FAM53B: variants seen among roughly 807,000 people sequenced by gnomAD.
The protein encoded by FAM53B is protein FAM53B.
Under a neutral mutation model 32.7 loss-of-function variants are expected in FAM53B, and 12 were observed. The observed-to-expected ratio is 0.37, with a 90% CI of 0.24 to 0.59. The LOEUF (loss-of-function observed/expected upper bound fraction) is 0.59. FAM53B is among the 20% of genes least tolerant of loss of function. The pLI is 0.72. For synonymous variants in FAM53B, 234 were observed against 228.7 expected, an observed-to-expected ratio of 1.02 and a Z score of -0.21; for missense variants, 477 against 577.7, an observed-to-expected ratio of 0.83 and a Z score of 1.79.
intron 1 of FAM53B, among the ~76,000 whole-genome samples, chr10:124,719,730 C>T (rs1384108455): frequency 6.6e-6 from 1 of 152,076 alleles, no homozygotes; most frequent in Non-Finnish European, 1.5e-5. Flanking sequence ...AACTCTAAAG[C>T]CAGGCCTCTG....
chr10:124,684,689 T>C (rs1949792111), intron 3 of FAM53B, among the ~76,000 whole-genome samples: 1 of 152,116 alleles, frequency 6.6e-6, no homozygotes, highest in African/African-American at 2.4e-5. Context: ...CAGCTAATTT[T>C]TGTATTTTTT....
At chr10:124,738,183 T>C (rs772193297) in intron 1 of FAM53B, among the ~76,000 whole-genome samples, 3 of 151,960 alleles carry the variant, frequency 2.0e-5, no homozygotes, top group African/African-American at 4.8e-5. Context: ...TGCTAAGGAA[T>C]AGGGAAACTA....
At chr10:124,678,896 T>G (rs1441608619) in intron 4 of FAM53B, among the ~76,000 whole-genome samples, 1 of 152,198 alleles carries the variant, frequency 6.6e-6, no homozygotes, top group African/African-American at 2.4e-5. Flanking sequence ...ACACACACCC[T>G]CAAGATCTGC....
At chr10:124,658,813 C>T (rs1949611809) in intron 4 of FAM53B, among the ~76,000 whole-genome samples, 2 of 152,198 alleles carry the variant, frequency 1.3e-5, no homozygotes, top group Admixed American at 6.5e-5. Flanking sequence ...CCATGCTCCC[C>T]GTGTCCGCCT....
chr10:124,665,916 T>A (rs201202504), intron 4 of FAM53B, among the ~76,000 whole-genome samples: 1 of 114,294 alleles, frequency 8.7e-6, no homozygotes, highest in Non-Finnish European at 1.9e-5. Context: ...CGGCTTATAG[T>A]CGGCTACGTA....
At chr10:124,661,794 A>G (rs1949632756) in intron 4 of FAM53B, among the ~76,000 whole-genome samples, 1 of 152,232 alleles carries the variant, frequency 6.6e-6, no homozygotes, top group Admixed American at 6.5e-5. Flanking sequence ...GATTTCAGTA[A>G]TGATCCAATC....
intron 1 of FAM53B, among the ~76,000 whole-genome samples, chr10:124,739,510 A>G (rs1223400427): frequency 6.6e-6 from 1 of 152,268 alleles, no homozygotes; most frequent in Non-Finnish European, 1.5e-5. Context: ...AAGAGAACAA[A>G]AAGAGTGAGT....
At chr10:124,650,178 C>T (rs1949547332) in intron 4 of FAM53B, among the ~76,000 whole-genome samples, 1 of 152,192 alleles carries the variant, frequency 6.6e-6, no homozygotes, top group African/African-American at 2.4e-5. Flanking sequence ...TTTTACAATA[C>T]TGTAGGCTGT....
At chr10:124,646,649 C>CT (rs1949517554) in intron 4 of FAM53B, among the ~76,000 whole-genome samples, 1 of 152,214 alleles carries the variant, frequency 6.6e-6, no homozygotes, top group South Asian at 2.1e-4. Context: ...CTGTGACGCT[C>CT]TTTTGCCCAG....
At position 124,682,490 on chromosome 10, in the gene FAM53B, G is replaced by A; in HGVS notation, c.134-111C>T. 1.0e-6 allele frequency: 1 copy of A among 967,782 alleles called. No homozygotes were observed. The highest frequency in any genetic ancestry group is 1.5e-6 in the Non-Finnish European group (1 of 668,456). The allele number at this position is 967,782 out of a possible 1,614,324, so 59.9% of individuals were successfully genotyped here. A position where few individuals can be genotyped will look rare whatever the true frequency, so the allele number is the denominator to read the frequency against. On this transcript the variant is annotated intron_variant, in intron 3 of 4. Coordinates refer to ENST00000337318, the MANE Select transcript of FAM53B (RefSeq NM_014661.4). The surrounding 1 kb of genome is among the most constrained non-coding windows in gnomAD (Gnocchi z 5.2). Reference sequence around the variant, plus strand: ...CAAACACAGTATCTTAGAGCCAAAAGGCCCTTAGAAACCATCCAGTCCAAC... The same window carrying A: ...CAAACACAGTATCTTAGAGCCAAAAAGCCCTTAGAAACCATCCAGTCCAAC...
rs1409969529 is a variant in FAM53B, at chr10:124,651,542, C to A, written c.907-27938G>T. Reference sequence around the variant, plus strand: ...GCCGCTGGACGGAATCACAATCCCACACACGGCACCAGGGACCTGGACTAT... The same window carrying A: ...GCCGCTGGACGGAATCACAATCCCAAACACGGCACCAGGGACCTGGACTAT... On this transcript the variant is annotated intron_variant, in intron 4 of 4. Transcript: ENST00000337318. The surrounding 1 kb of genome is among the most constrained non-coding windows in gnomAD (Gnocchi z 5.2). Among the ~76,000 whole-genome samples, 1 of 152,216 alleles carries A rather than the reference C, an allele frequency of 6.6e-6. No individual in the cohort carries two copies. Among genetic ancestry groups the A allele is most frequent in the Non-Finnish European group, 1.5e-5 (1 of 68,026 alleles).
intron 3 of FAM53B, among the ~76,000 whole-genome samples, chr10:124,695,605 AGATGT>A: frequency 6.6e-6 from 1 of 152,212 alleles, no homozygotes. Flanking sequence ...CCAACAGCCT[AGATGT>A]AGTTACATCA....
chr10:124,722,360 G>T (rs1950074689), intron 1 of FAM53B, among the ~76,000 whole-genome samples: 1 of 152,070 alleles, frequency 6.6e-6, no homozygotes, highest in Admixed American at 6.5e-5. Context: ...GAAGGCTTTG[G>T]GAGCCCAACA....
intron 4 of FAM53B, among the ~76,000 whole-genome samples, chr10:124,637,476 C>T (rs56145614): frequency 0.018 from 2,694 of 152,200 alleles, 90 homozygotes; most frequent in African/African-American, 0.061. Flanking sequence ...ATGCAACTTG[C>T]GACCGGGCAC....
intron 4 of FAM53B, among the ~76,000 whole-genome samples, chr10:124,626,480 C>A (rs993848378): frequency 4.1e-5 from 6 of 147,878 alleles, no homozygotes; most frequent in Non-Finnish European, 7.5e-5. Context: ...GGGATGAGGG[C>A]CCATAACAGA....
intron 2 of FAM53B, among the ~76,000 whole-genome samples, chr10:124,700,602 C>T (rs1315392634): frequency 2.6e-5 from 4 of 152,090 alleles, no homozygotes; most frequent in East Asian, 1.9e-4. Context: ...ATTAGATCCT[C>T]GTAGGAAAGG....
At chr10:124,623,668 C>T in intron 4 of FAM53B, 64 bp from the exon 5 acceptor site, 1 of 1,511,976 alleles carries the variant, frequency 6.6e-7, no homozygotes, top group Non-Finnish European at 8.8e-7. Flanking sequence ...CAGGACTGCA[C>T]ACCCCACAAA....
At chr10:124,697,141 G>A (rs1286707853) in intron 2 of FAM53B, among the ~76,000 whole-genome samples, 1 of 152,154 alleles carries the variant, frequency 6.6e-6, no homozygotes, top group Admixed American at 6.5e-5. Flanking sequence ...TCTGCCTCAA[G>A]TGCTCCAAGG....
At chr10:124,692,708 C>G (rs1468033814) in intron 3 of FAM53B, among the ~76,000 whole-genome samples, 1 of 103,034 alleles carries the variant, frequency 9.7e-6, no homozygotes, top group Admixed American at 1.2e-4. Flanking sequence ...GAGCGATACT[C>G]CATCTCAAAA....
Sources: allele counts gnomAD v4.1 joint callset (sites outside exome capture counted in the v4.1 genomes callset), GRCh38; gene constraint gnomAD v4.1.1; non-coding constraint Gnocchi (gnomAD v3.1); transcripts MANE v1.5; gene names NCBI Gene and HGNC (gene_info 2026-07-23, HGNC 2026-07-21).